STK11: variants seen among roughly 807,000 people sequenced by gnomAD.
STK11 encodes serine/threonine-protein kinase STK11.
In STK11, 8 loss-of-function variants were observed where a neutral mutation model predicts 47.3. The observed-to-expected ratio is 0.17, with a 90% CI of 0.10 to 0.31. The LOEUF (loss-of-function observed/expected upper bound fraction) is 0.31, where lower values mean the gene tolerates loss of function less well. Ranked by LOEUF, STK11 falls within the 10% of genes least tolerant of loss-of-function variation. The probability of loss-of-function intolerance (pLI) is 1.00; values close to 1 mark genes in which losing one functional copy is unlikely to be tolerated. For synonymous variants in STK11, 330 were observed against 255.8 expected (o/e 1.29, Z -2.77); for missense variants, 475 against 605.0 (o/e 0.79, Z 2.25).
chr19:1,223,642 C>G (rs963619269), intron 8 of STK11: 2 of 1,064,840 alleles, frequency 1.9e-6, no homozygotes, highest in East Asian at 5.4e-5. Context: ...CCCTAGGTGG[C>G]GAGGAGGCGT....
Position 1,227,735 on chromosome 19 carries a change from A to AG in STK11, c.*164dup. On this transcript the variant is annotated 3_prime_UTR_variant, in exon 10 of 10. Coordinates refer to ENST00000326873, the MANE Select transcript of STK11 (RefSeq NM_000455.5). ...TCCGGAGCGCCCTGCAGGGCCGGGCAGGGGGACAGCAGGGACCGGGCGCAG... is the reference window on the plus strand; with the variant it reads ...TCCGGAGCGCCCTGCAGGGCCGGGCAGGGGGGACAGCAGGGACCGGGCGCAG... 2 of 1,071,668 alleles carry AG rather than the reference A, an allele frequency of 1.9e-6. No individual in the cohort carries two copies. The highest frequency in any genetic ancestry group is 2.3e-6 in the Non-Finnish European group (2 of 883,298). The allele number at this position is 1,071,668 out of a possible 1,614,324, so 66.4% of individuals were successfully genotyped here.
intron 8 of STK11, chr19:1,223,894 G>A: frequency 3.9e-6 from 4 of 1,016,288 alleles, no homozygotes; most frequent in Non-Finnish European, 3.5e-6. Context: ...GTGGATGCTT[G>A]CTGCGCTCGG....
chr19:1,221,581 C>T (rs966467982), intron 6 of STK11: 10 of 633,340 alleles, frequency 1.6e-5, no homozygotes, highest in Admixed American at 3.0e-5. Flanking sequence ...CTGCCCTGCG[C>T]CTCCCCCAGC....
Position 1,207,007 on chromosome 19 carries a change from A to G in STK11, c.94A>G (p.Thr32Ala), listed in dbSNP as rs755210880. 28 of 1,613,534 alleles carry G rather than the reference A, an allele frequency of 1.7e-5. No homozygotes were observed. The highest frequency in any genetic ancestry group is 2.2e-5 in the Non-Finnish European group (26 of 1,179,800). Reference protein sequence around the residue: ...MDTFIHRIDSTEVIYQPRRKR... With the variant: ...MDTFIHRIDSAEVIYQPRRKR... ...CACGTTCATCCACCGCATCGACTCC[A>G]CCGAGGTCATCTACCAGCCGCGCCG... The change falls in exon 1 of 10, where the codon ACC becomes GCC. Residue 32 changes from threonine to alanine, a missense_variant. Coordinates refer to ENST00000326873, the MANE Select transcript of STK11 (RefSeq NM_000455.5).
At chr19:1,209,305 G>A (rs555345221) in intron 1 of STK11, among the ~76,000 whole-genome samples, 2 of 152,276 alleles carry the variant, frequency 1.3e-5, no homozygotes, top group East Asian at 3.9e-4. Flanking sequence ...CTTAGGGGCC[G>A]GGCGCGGTGG....
At chr19:1,217,508 G>A (rs1456034514) in intron 1 of STK11, among the ~76,000 whole-genome samples, 3 of 152,222 alleles carry the variant, frequency 2.0e-5, no homozygotes, top group African/African-American at 4.8e-5. Context: ...CAGCTGCAGA[G>A]GGGGCTGTGC....
chr19:1,208,989 A>G (rs2080690715), intron 1 of STK11, among the ~76,000 whole-genome samples: 2 of 151,906 alleles, frequency 1.3e-5, no homozygotes, highest in African/African-American at 2.4e-5. Context: ...TGAAGTTTGT[A>G]CTCTGGAGCT....
At chr19:1,220,921 G>T (rs116157928) in intron 5 of STK11, among the ~76,000 whole-genome samples, 1 of 152,214 alleles carries the variant, frequency 6.6e-6, no homozygotes, top group Admixed American at 6.5e-5. Context: ...AGCCTGGCCC[G>T]TCAGGGATCT....
rs1156329719 is a variant in STK11 at position 1,211,908 on chromosome 19, C to T, written c.290+4705C>T. 3.9e-5 allele frequency among the ~76,000 whole-genome samples: 6 copies of T among 152,200 alleles called. No individual in the cohort carries two copies. The East Asian group carries it at 1.2e-3, about 29-fold the overall frequency. On this transcript the variant is annotated intron_variant, in intron 1 of 9. Coordinates refer to ENST00000326873, the MANE Select transcript of STK11 (RefSeq NM_000455.5). ...ACTTTGTAGGTCTTTACATCCCAGGCGGCCTTTATGGGGTTCCAGCATCTG... is the reference window on the plus strand; with the variant it reads ...ACTTTGTAGGTCTTTACATCCCAGGTGGCCTTTATGGGGTTCCAGCATCTG...
chr19:1,225,664 G>C (rs185109934), intron 8 of STK11: 3 of 985,438 alleles, frequency 3.0e-6, no homozygotes, highest in Non-Finnish European at 3.6e-6. Context: ...GTCCATTCTC[G>C]GAGCTGGGGC....
At chr19:1,218,267 T>C (rs1419783551) in intron 1 of STK11, 150 bp from the exon 2 acceptor site, 1 of 700,304 alleles carries the variant, frequency 1.4e-6, no homozygotes, top group Non-Finnish European at 2.5e-6. Context: ...TGCAGGGCCC[T>C]TTCCCACAGC....
intron 8 of STK11, chr19:1,223,509 G>A (rs1599929837): frequency 2.1e-6 from 2 of 934,120 alleles, no homozygotes; most frequent in East Asian, 8.4e-5. Flanking sequence ...GTCGGGGGAG[G>A]GTAGGTGAGA....
chr19:1,220,515 T>TCTAG lies in STK11; in HGVS notation c.597+10_597+11insCTAG. On this transcript the variant is annotated intron_variant, in intron 4 of 9. Coordinates refer to ENST00000326873, the MANE Select transcript of STK11 (RefSeq NM_000455.5). ...CCTGGGCGTGGCCGAGGTAGGCACGTGCTAGGGGGGGCCCTGGGGCGCCCC... is the reference window on the plus strand; with the variant it reads ...CCTGGGCGTGGCCGAGGTAGGCACGTCTAGGCTAGGGGGGGCCCTGGGGCGCCCC... 2 of 1,597,678 alleles carry TCTAG rather than the reference T, an allele frequency of 1.3e-6. No homozygotes were observed. Among genetic ancestry groups the TCTAG allele is most frequent in the African/African-American group, 2.7e-5 (2 of 74,768 alleles).
chr19:1,226,219 G>T (rs111348654), intron 8 of STK11: 2 of 1,374,422 alleles, frequency 1.5e-6, no homozygotes, highest in Non-Finnish European at 1.9e-6. Flanking sequence ...TGCAACAGAC[G>T]TGGTGGAGGG....
Position 1,206,710 on chromosome 19 carries a change from G to T in STK11, c.-204G>T, listed in dbSNP as rs1476929940. 8.3e-6 allele frequency: 6 copies of T among 719,366 alleles called. No homozygotes were observed. Among genetic ancestry groups the T allele is most frequent in the East Asian group, 2.8e-5 (1 of 35,322 alleles). 44.6% of individuals were successfully genotyped at this position (719,366 alleles called of 1,614,324 possible). On this transcript the variant is annotated 5_prime_UTR_variant, in exon 1 of 10. Coordinates refer to ENST00000326873, the MANE Select transcript of STK11 (RefSeq NM_000455.5). ...CGCCGGTCCGCAGACCCTGCACCGG[G>T]CTTGGACTCGCAGCCGGGACTGACG...
chr19:1,222,333 C>T lies in STK11; in HGVS notation c.920+327C>T, dbSNP rs2080790661. On this transcript the variant is annotated intron_variant, in intron 7 of 9. Transcript: ENST00000326873. Reference sequence around the variant, plus strand: ...CTCTTTTTCCCCTCCTCCTGGGGCTCCCAGCAGCAGGGTGTGGCTGGGATC... The same window carrying T: ...CTCTTTTTCCCCTCCTCCTGGGGCTTCCAGCAGCAGGGTGTGGCTGGGATC... 5.9e-5 allele frequency among the ~76,000 whole-genome samples: 9 copies of T among 152,346 alleles called. No homozygotes were observed. In the South Asian group the frequency reaches 1.7e-3, roughly 28 times the overall value.
rs876658317 is a variant in STK11, at chr19:1,218,413, C to T, written c.291-4C>T. 6.2e-7 allele frequency: 1 copy of T among 1,612,564 alleles called. No homozygotes were observed. The highest frequency in any genetic ancestry group is 8.5e-7 in the Non-Finnish European group (1 of 1,178,886). On this transcript the variant is annotated splice_region_variant and splice_polypyrimidine_tract_variant and intron_variant, in intron 1 of 9. Coordinates refer to ENST00000326873, the MANE Select transcript of STK11 (RefSeq NM_000455.5). ...CTGATACACCCCTGTCCTCTCTGTC[C>T]CAGGGAAATTCAACTACTGAGGAGG...
intron 6 of STK11, 193 bp downstream of exon 6, chr19:1,221,533 C>T: frequency 1.1e-6 from 1 of 877,972 alleles, no homozygotes; most frequent in South Asian, 1.9e-5. Flanking sequence ...GCTTCTGGGC[C>T]CTGTTCACCC....
At chr19:1,213,995 C>T (rs930860614) in intron 1 of STK11, among the ~76,000 whole-genome samples, 1 of 152,252 alleles carries the variant, frequency 6.6e-6, no homozygotes, top group Non-Finnish European at 1.5e-5. Context: ...CTTCCTATTT[C>T]CTGTCCTGCT....
Sources: gnomAD v4.1 joint callset for allele counts (sites outside exome capture counted in the v4.1 genomes callset) on GRCh38, gnomAD v4.1.1 for gene constraint, MANE v1.5 for transcripts, NCBI Gene and HGNC (gene_info 2026-07-23, HGNC 2026-07-21) for gene names.